RORB: variants seen among roughly 807,000 people sequenced by gnomAD.
The protein encoded by RORB is nuclear receptor ROR-beta.
A neutral mutation model predicts 59.1 loss-of-function variants in RORB; 6 were observed. The observed-to-expected ratio is 0.10, with a 90% CI of 0.06 to 0.20. RORB has a LOEUF of 0.20. Among genes scored for constraint, RORB ranks in the 10% least tolerant of loss-of-function variants. The pLI is 1.00. For missense variants in RORB, 320 were observed against 560.5 expected (o/e 0.57, Z 4.33); for synonymous variants, 215 against 204.5 (o/e 1.05, Z -0.44).
At chr9:74,660,364 G>A (rs1038316173) in intron 4 of RORB, among the ~76,000 whole-genome samples, 29 of 151,986 alleles carry the variant, frequency 1.9e-4, no homozygotes, top group African/African-American at 6.8e-4. Context: ...CCTTTGAATG[G>A]TTTCCAACTT....
chr9:74,674,617 G>A (rs1563971309), intron 9 of RORB, among the ~76,000 whole-genome samples: 1 of 152,158 alleles, frequency 6.6e-6, no homozygotes, highest in African/African-American at 2.4e-5. Flanking sequence ...TCAGGTAGCA[G>A]TGCCTTCTAC....
At chr9:74,568,096 C>T (rs1307606502) in intron 1 of RORB, among the ~76,000 whole-genome samples, 4 of 152,118 alleles carry the variant, frequency 2.6e-5, no homozygotes, top group African/African-American at 9.7e-5. Flanking sequence ...AAACAGAGCT[C>T]AATATTCCAA....
chr9:74,651,405 C>A (rs1048462275), intron 4 of RORB, among the ~76,000 whole-genome samples: 1 of 152,152 alleles, frequency 6.6e-6, no homozygotes, highest in East Asian at 1.9e-4. Flanking sequence ...TGTGGTGACA[C>A]GTGCCTGTAA....
In RORB at chr9:74,685,721, G is replaced by A. The variant is rs1396978890; in HGVS notation, c.*103G>A. The A allele has an allele frequency of 2.4e-6, 2 of 824,400 alleles. No individual in the cohort carries two copies. Among genetic ancestry groups the A allele is most frequent in the East Asian group, 2.6e-5 (1 of 38,360 alleles). 51.1% of individuals were successfully genotyped at this position (824,400 alleles called of 1,614,324 possible). ...GAAAAATGTCACTACTGCAACATTA[G>A]GAATGTCCTGCACTTAATAGAATTA... On this transcript the variant is annotated 3_prime_UTR_variant, in exon 10 of 10. Transcript: ENST00000376896.
At chr9:74,537,880 G>A (rs1826344665) in intron 1 of RORB, among the ~76,000 whole-genome samples, 3 of 151,994 alleles carry the variant, frequency 2.0e-5, no homozygotes, top group African/African-American at 7.2e-5. Flanking sequence ...CATAGCCTAA[G>A]TGTAAAGTGT....
intron 1 of RORB, among the ~76,000 whole-genome samples, chr9:74,598,971 T>A (rs780848770): frequency 3.5e-4 from 53 of 152,270 alleles, no homozygotes; most frequent in Non-Finnish European, 6.9e-4. Flanking sequence ...CCCTCATGAA[T>A]ACTCTATTCC....
chr9:74,691,456 A>T lies in RORB; in HGVS notation c.*5838A>T, dbSNP rs1430324599. On this transcript the variant is annotated 3_prime_UTR_variant, in exon 10 of 10. Coordinates refer to ENST00000376896, the MANE Select transcript of RORB (RefSeq NM_006914.4). Reference sequence around the variant, plus strand: ...AGCACAGTACCGTCTGCTTCATCTGATTAACACACACACAAGAAAGAAAAA... The same window carrying T: ...AGCACAGTACCGTCTGCTTCATCTGTTTAACACACACACAAGAAAGAAAAA... 1 of 152,228 alleles carries T rather than the reference A, an allele frequency of 6.6e-6. No individual in the cohort carries two copies. Among genetic ancestry groups the T allele is most frequent in the Non-Finnish European group, 1.5e-5 (1 of 68,040 alleles). The allele number at this position is 152,228 out of a possible 1,614,324, so 9.4% of individuals were successfully genotyped here.
chr9:74,688,706 A>G lies in RORB; in HGVS notation c.*3088A>G, dbSNP rs1047042689. ...CCTCTCTGACAAGGCTTTCAGACCA[A>G]CAAGCAGTAACTTCATGTCATAAAC... On this transcript the variant is annotated 3_prime_UTR_variant, in exon 10 of 10. Transcript: ENST00000376896. The G allele has an allele frequency of 2.0e-5, 3 of 152,212 alleles. No individual in the cohort carries two copies. The highest frequency in any genetic ancestry group is 4.4e-5 in the Non-Finnish European group (3 of 68,034). The allele number at this position is 152,212 out of a possible 1,614,324, so 9.4% of individuals were successfully genotyped here.
At chr9:74,585,671 A>G (rs912066946) in intron 1 of RORB, among the ~76,000 whole-genome samples, 2 of 152,158 alleles carry the variant, frequency 1.3e-5, no homozygotes, top group Non-Finnish European at 2.9e-5. Flanking sequence ...TTTCTCCGCT[A>G]TAAAAAGCTA....
Position 74,689,262 on chromosome 9 carries a change from C to T in RORB, c.*3644C>T, listed in dbSNP as rs912852939. 2.0e-5 allele frequency: 3 copies of T among 152,364 alleles called. No homozygotes were observed. The highest frequency in any genetic ancestry group is 7.2e-5 in the African/African-American group (3 of 41,428). The allele number at this position is 152,364 out of a possible 1,614,324, so 9.4% of individuals were successfully genotyped here. A position where few individuals can be genotyped will look rare whatever the true frequency, so the allele number is the denominator to read the frequency against. On this transcript the variant is annotated 3_prime_UTR_variant, in exon 10 of 10. Coordinates refer to ENST00000376896, the MANE Select transcript of RORB (RefSeq NM_006914.4). ...GGGATTACAGGCACACGCCCCCACA[C>T]CCGGCTAATTTTTGTATTTTAGGTA...
intron 1 of RORB, among the ~76,000 whole-genome samples, chr9:74,601,765 G>T (rs1478414657): frequency 6.6e-6 from 1 of 152,154 alleles, no homozygotes; most frequent in African/African-American, 2.4e-5. Context: ...TTGTAGTCAT[G>T]TGGGCACTTT....
intron 1 of RORB, among the ~76,000 whole-genome samples, chr9:74,503,357 C>T (rs988017555): frequency 6.6e-6 from 1 of 151,984 alleles, no homozygotes; most frequent in Non-Finnish European, 1.5e-5. Flanking sequence ...CACTGATACG[C>T]AATATGTATA....
At chr9:74,584,791 C>G (rs1483876980) in intron 1 of RORB, among the ~76,000 whole-genome samples, 4 of 152,084 alleles carry the variant, frequency 2.6e-5, no homozygotes, top group African/African-American at 7.2e-5. Context: ...ACTCATGGAG[C>G]TATAGGAAAA....
At chr9:74,538,365 A>T (rs914604152) in intron 1 of RORB, among the ~76,000 whole-genome samples, 6 of 151,074 alleles carry the variant, frequency 4.0e-5, no homozygotes, top group African/African-American at 1.2e-4. Context: ...AAGAAATGTT[A>T]ACAATAAAGA....
chr9:74,512,018 A>G (rs1467275411), intron 1 of RORB, among the ~76,000 whole-genome samples: 1 of 152,086 alleles, frequency 6.6e-6, no homozygotes, highest in East Asian at 1.9e-4. Context: ...ATGAATTTAA[A>G]AAAACTTTTT....
Position 74,613,523 on chromosome 9 carries a change from GA to G in RORB, c.8-16757del, listed in dbSNP as rs377726076. ...GGTCTTCAGTCCCTGCTGCCCGTTA[GA>G]ATTACTTTAGAAGTGTTTAAAATTC... On this transcript the variant is annotated intron_variant, in intron 1 of 9. Coordinates refer to ENST00000376896, the MANE Select transcript of RORB (RefSeq NM_006914.4). Among the ~76,000 whole-genome samples, 222 of 152,286 alleles carry G rather than the reference GA, an allele frequency of 1.5e-3. 1 individual carries two copies. The highest frequency in any genetic ancestry group is 5.0e-3 in the African/African-American group (206 of 41,558).
At chr9:74,684,705 C>T (rs78015319) in intron 9 of RORB, among the ~76,000 whole-genome samples, 279 of 152,242 alleles carry the variant, frequency 1.8e-3, no homozygotes, top group African/African-American at 6.6e-3. Context: ...ATTTTTAGAA[C>T]ACCTTCCTAA....
intron 2 of RORB, among the ~76,000 whole-genome samples, chr9:74,633,556 AG>A (rs1365281659): frequency 6.6e-6 from 1 of 152,352 alleles, no homozygotes; most frequent in African/African-American, 2.4e-5. Context: ...ACAATTCAAA[AG>A]CAAAGAGTAA....
chr9:74,674,974 G>C (rs1349880923), intron 9 of RORB, among the ~76,000 whole-genome samples: 1 of 152,094 alleles, frequency 6.6e-6, no homozygotes. Context: ...TAAGTAAGCT[G>C]CCCAGTCCAT....
Sources: allele counts gnomAD v4.1 joint callset (sites outside exome capture counted in the v4.1 genomes callset), GRCh38; gene constraint gnomAD v4.1.1; transcripts MANE v1.5; gene names NCBI Gene and HGNC (gene_info 2026-07-23, HGNC 2026-07-21).